The following LEKR1 variants were observed in gnomAD, a reference collection of about 807,000 sequenced individuals.
The protein encoded by LEKR1 is leucine, glutamate and lysine rich 1.
A neutral mutation model predicts 72.4 loss-of-function variants in LEKR1; 59 were observed. The observed-to-expected ratio is 0.82, with a 90% CI of 0.66 to 1.01. The LOEUF (loss-of-function observed/expected upper bound fraction) is 1.01, where lower values mean the gene tolerates loss of function less well. Ranked by LOEUF, LEKR1 falls within the 50% of genes least tolerant of loss-of-function variation. The pLI, the probability that LEKR1 is intolerant of heterozygous loss-of-function variation, is 0.00. For synonymous variants in LEKR1, 257 were observed against 263.2 expected (o/e 0.98, Z 0.23); for missense variants, 728 against 759.2 (o/e 0.96, Z 0.48).
chr3:156,968,012 A>G (rs1728791172), intron 6 of LEKR1, among the ~76,000 whole-genome samples: 1 of 152,188 alleles, frequency 6.6e-6, no homozygotes. Context: ...AGAATTTCAT[A>G]TCCAGCCAAA....
intron 6 of LEKR1, among the ~76,000 whole-genome samples, chr3:156,967,018 G>C (rs1202709777): frequency 6.6e-6 from 1 of 152,110 alleles, no homozygotes; most frequent in Non-Finnish European, 1.5e-5. Context: ...AGGCAAACAG[G>C]GTCTGGAGTG....
intron 3 of LEKR1, among the ~76,000 whole-genome samples, chr3:156,865,940 G>A (rs1717262940): frequency 6.6e-6 from 1 of 151,870 alleles, no homozygotes; most frequent in African/African-American, 2.4e-5. Context: ...CCTCTAATGG[G>A]GTTCCCATGA....
At chr3:156,973,038 A>G (rs1729375624) in intron 6 of LEKR1, among the ~76,000 whole-genome samples, 1 of 152,140 alleles carries the variant, frequency 6.6e-6, no homozygotes, top group Non-Finnish European at 1.5e-5. Context: ...TTACATTTTA[A>G]TGCCAAGACA....
intron 3 of LEKR1, among the ~76,000 whole-genome samples, chr3:156,889,133 A>G (rs1302025910): frequency 6.6e-6 from 1 of 152,188 alleles, no homozygotes; most frequent in Non-Finnish European, 1.5e-5. Context: ...TCACTGAGTT[A>G]GAAGAGAGTT....
intron 3 of LEKR1, among the ~76,000 whole-genome samples, chr3:156,883,520 C>A (rs750634691): frequency 6.6e-6 from 1 of 152,034 alleles, no homozygotes; most frequent in African/African-American, 2.4e-5. Context: ...GTGTCCTCAC[C>A]CAAATCTTAT....
rs76392845 is a variant in LEKR1 at position 156,844,906 on chromosome 3, G to T, written c.49-7862G>T. 0.014 allele frequency among the ~76,000 whole-genome samples: 2,018 copies of T among 143,558 alleles called. 98 individuals carry two copies. In the East Asian group the frequency reaches 0.16, roughly 11 times the overall value. 94.2% of individuals were successfully genotyped at this position (143,558 alleles called of 152,430 possible). ...TTGCTATGTTATATAGTAACTACAGGTTTTTTTTTTTTTTTTAAAGACACT... is the reference window on the plus strand; with the variant it reads ...TTGCTATGTTATATAGTAACTACAGTTTTTTTTTTTTTTTTTAAAGACACT... On this transcript the variant is annotated intron_variant, in intron 2 of 12. Coordinates refer to ENST00000356539, the MANE Select transcript of LEKR1 (RefSeq NM_001004316.3).
rs1385700279 is a variant in LEKR1, at chr3:156,899,509, T to TACAC, written c.264-21065_264-21064insCACA. Among the ~76,000 whole-genome samples the TACAC allele has an allele frequency of 2.9e-4, 34 of 117,532 alleles. 2 individuals carry two copies. Among genetic ancestry groups the TACAC allele is most frequent in the Admixed American group, 5.9e-4 (7 of 11,882 alleles). The allele number at this position is 117,532 out of a possible 152,430, so 77.1% of individuals were successfully genotyped here. On this transcript the variant is annotated intron_variant, in intron 3 of 12. Coordinates refer to ENST00000356539, the MANE Select transcript of LEKR1 (RefSeq NM_001004316.3). ...ACATATATACACATATATACATGTA[T>TACAC]ATATACATACATACATATATACACA...
chr3:157,000,215 T>G (rs1486076814), intron 9 of LEKR1, among the ~76,000 whole-genome samples: 1 of 152,168 alleles, frequency 6.6e-6, no homozygotes, highest in Admixed American at 6.5e-5. Context: ...CTTGGTAGAA[T>G]AAGAAGTAAA....
intron 5 of LEKR1, among the ~76,000 whole-genome samples, chr3:156,936,503 G>T (rs953687580): frequency 2.7e-5 from 4 of 150,574 alleles, no homozygotes; most frequent in African/African-American, 9.9e-5. Flanking sequence ...AGCAAGATAT[G>T]TTAGCTATAA....
chr3:156,944,008 A>T (rs993704271), intron 6 of LEKR1, among the ~76,000 whole-genome samples: 1 of 151,730 alleles, frequency 6.6e-6, no homozygotes. Context: ...TATAAATATT[A>T]TATTCTACAT....
intron 5 of LEKR1, among the ~76,000 whole-genome samples, chr3:156,935,225 G>A (rs1018729404): frequency 1.3e-5 from 2 of 152,114 alleles, no homozygotes; most frequent in Non-Finnish European, 2.9e-5. Flanking sequence ...GTTACACAGT[G>A]GTGATGACAG....
chr3:156,974,988 A>G lies in LEKR1; in HGVS notation c.746-4206A>G, dbSNP rs577212207. On this transcript the variant is annotated intron_variant, in intron 6 of 12. Coordinates refer to ENST00000356539, the MANE Select transcript of LEKR1 (RefSeq NM_001004316.3). ...GAAGTGGAAGAGTAGCCTTCATGCC[A>G]CCACCAATGATAATAGCTAACATGT... Among the ~76,000 whole-genome samples, 39 of 152,298 alleles carry G rather than the reference A, an allele frequency of 2.6e-4. 2 individuals carry two copies. In the South Asian group the frequency reaches 8.1e-3, roughly 32 times the overall value.
intron 2 of LEKR1, among the ~76,000 whole-genome samples, chr3:156,836,436 G>T (rs1161177780): frequency 6.6e-6 from 1 of 151,940 alleles, no homozygotes; most frequent in African/African-American, 2.4e-5. Flanking sequence ...AAAAAAACAA[G>T]ATCCAAGAAG....
intron 2 of LEKR1, among the ~76,000 whole-genome samples, chr3:156,831,584 G>A (rs1240026156): frequency 6.6e-6 from 1 of 152,132 alleles, no homozygotes; most frequent in Non-Finnish European, 1.5e-5. Context: ...CACATGGCTG[G>A]GGAGGCCTCA....
At chr3:156,890,731 G>A (rs1237548154) in intron 3 of LEKR1, among the ~76,000 whole-genome samples, 2 of 151,944 alleles carry the variant, frequency 1.3e-5, no homozygotes, top group Admixed American at 6.6e-5. Context: ...TCTCTGTGTT[G>A]GTAATTGAGA....
At position 157,045,604 on chromosome 3, in the gene LEKR1, T is replaced by C; in HGVS notation, c.1933T>C (p.Phe645Leu). ...GCGCGGGGTGTCAAAACCCACCACT[T>C]TCCCAACCTCAGATAAGCCGAAGAG... is the stretch of plus-strand genomic sequence containing the variant. Reference protein sequence around the residue: ...NLRGVSKPTTFPTSDKPKRVR... With the variant: ...NLRGVSKPTTLPTSDKPKRVR... Residue 645 changes from phenylalanine (F) to leucine (L), a missense_variant, in exon 13 of 13, where the codon TTC (phenylalanine) becomes CTC (leucine). Transcript: ENST00000356539. The C allele has an allele frequency of 6.2e-7, 1 of 1,614,140 alleles. No homozygotes were observed. The highest frequency in any genetic ancestry group is 8.5e-7 in the Non-Finnish European group (1 of 1,180,018).
intron 5 of LEKR1, among the ~76,000 whole-genome samples, chr3:156,933,774 C>T (rs1725456883): frequency 6.6e-6 from 1 of 152,180 alleles, no homozygotes; most frequent in Non-Finnish European, 1.5e-5. Context: ...AACCACATAG[C>T]TGGGAACAGT....
chr3:156,861,643 A>G (rs867648148), intron 3 of LEKR1, among the ~76,000 whole-genome samples: 2 of 152,082 alleles, frequency 1.3e-5, no homozygotes, highest in Non-Finnish European at 2.9e-5. Context: ...ATTGTGGAAA[A>G]ACATTCATTT....
At chr3:156,920,153 A>G (rs1333480515) in intron 3 of LEKR1, among the ~76,000 whole-genome samples, 1 of 152,166 alleles carries the variant, frequency 6.6e-6, no homozygotes, top group Non-Finnish European at 1.5e-5. Context: ...TTCTTTCTTT[A>G]TAAATTACCT....
Sources: gnomAD v4.1 joint callset for allele counts (sites outside exome capture counted in the v4.1 genomes callset) on GRCh38, gnomAD v4.1.1 for gene constraint, MANE v1.5 for transcripts, NCBI Gene and HGNC (gene_info 2026-07-23, HGNC 2026-07-21) for gene names.